RGS17: variants seen among roughly 807,000 people sequenced by gnomAD.
RGS17 encodes regulator of G protein signaling 17.
Under a neutral mutation model 25.5 loss-of-function variants are expected in RGS17, and 12 were observed. That is an observed-to-expected ratio of 0.47 (90% CI 0.30 to 0.76). The LOEUF (loss-of-function observed/expected upper bound fraction) is 0.76, where lower values mean the gene tolerates loss of function less well. Ranked by LOEUF, RGS17 falls within the 30% of genes least tolerant of loss-of-function variation. RGS17 has a pLI of 0.07. For missense variants in RGS17, 196 were observed against 242.2 expected, an observed-to-expected ratio of 0.81 and a Z score of 1.27; for synonymous variants, 71 against 76.9, an observed-to-expected ratio of 0.92 and a Z score of 0.40.
intron 2 of RGS17, among the ~76,000 whole-genome samples, chr6:153,034,623 A>T (rs1310180360): frequency 6.6e-6 from 1 of 152,242 alleles, no homozygotes; most frequent in Admixed American, 6.5e-5. Context: ...AAGGTTTCAT[A>T]GTTACATGTG....
chr6:153,068,777 C>A (rs1776744002), intron 1 of RGS17, among the ~76,000 whole-genome samples: 1 of 151,884 alleles, frequency 6.6e-6, no homozygotes, highest in African/African-American at 2.4e-5. Flanking sequence ...ATAATCTGAT[C>A]AAAAAATGGG....
chr6:153,087,747 C>G (rs1047385389), intron 1 of RGS17, among the ~76,000 whole-genome samples: 1 of 152,190 alleles, frequency 6.6e-6, no homozygotes, highest in South Asian at 2.1e-4. Flanking sequence ...AGAGAGGATA[C>G]TTAATGAGCT....
chr6:153,077,378 T>C (rs1028180587), intron 1 of RGS17, among the ~76,000 whole-genome samples: 2 of 152,230 alleles, frequency 1.3e-5, no homozygotes, highest in South Asian at 2.1e-4. Flanking sequence ...GTTGGGACAA[T>C]TGGGGAAACT....
chr6:153,057,772 T>C (rs895359272), intron 1 of RGS17, among the ~76,000 whole-genome samples: 8 of 152,276 alleles, frequency 5.3e-5, no homozygotes, highest in African/African-American at 1.4e-4. Context: ...TCTGGGGGTG[T>C]TGGGACACGA....
At chr6:153,041,472 C>T (rs1776320231) in intron 2 of RGS17, among the ~76,000 whole-genome samples, 1 of 152,170 alleles carries the variant, frequency 6.6e-6, no homozygotes, top group South Asian at 2.1e-4. Context: ...TAATCTCTTG[C>T]TCATGTGCTA....
chr6:153,077,950 C>T (rs191510514), intron 1 of RGS17, among the ~76,000 whole-genome samples: 49 of 151,934 alleles, frequency 3.2e-4, no homozygotes, highest in Middle Eastern at 6.8e-3. Context: ...CTCAGCTCAA[C>T]GCAACCTCTG....
chr6:153,097,337 C>T lies in RGS17; in HGVS notation c.-26+33787G>A, dbSNP rs117789033. 3.5e-4 allele frequency among the ~76,000 whole-genome samples: 42 copies of T among 120,550 alleles called. 1 individual carries two copies. In the East Asian group the frequency reaches 0.01, roughly 29 times the overall value. 79.1% of individuals were successfully genotyped at this position (120,550 alleles called of 152,430 possible). On this transcript the variant is annotated intron_variant, in intron 1 of 4. Transcript: ENST00000206262. ...TTTTTTTGGGAGACAGAATCTGAGT[C>T]GCCCAGGCTGGAGTGCAGTGGCACC...
chr6:153,098,534 T>C (rs909446847), intron 1 of RGS17, among the ~76,000 whole-genome samples: 2 of 152,182 alleles, frequency 1.3e-5, no homozygotes, highest in African/African-American at 4.8e-5. Context: ...TTTCATGCAG[T>C]GATTTCTGTG....
chr6:153,108,419 T>C (rs917765283), intron 1 of RGS17, among the ~76,000 whole-genome samples: 6 of 152,076 alleles, frequency 3.9e-5, no homozygotes, highest in African/African-American at 1.4e-4. Flanking sequence ...ATGGCAGAAA[T>C]GGCACAGGGA....
rs981427485 is a variant in RGS17 at position 153,010,742 on chromosome 6, T to C, written c.*832A>G. On this transcript the variant is annotated 3_prime_UTR_variant, in exon 5 of 5. Coordinates refer to ENST00000206262, the MANE Select transcript of RGS17 (RefSeq NM_012419.5). ...ATTTTAAAACTGGAGAGCCAGTCTT[T>C]AATAAATTAATTACAGTATTGGACA... The C allele has an allele frequency of 1.3e-5, 2 of 152,046 alleles. No homozygotes were observed. Among genetic ancestry groups the C allele is most frequent in the African/African-American group, 4.8e-5 (2 of 41,444 alleles). 9.4% of individuals were successfully genotyped at this position (152,046 alleles called of 1,614,324 possible).
chr6:153,118,659 A>G (rs1395468892), intron 1 of RGS17, among the ~76,000 whole-genome samples: 6 of 151,904 alleles, frequency 3.9e-5, no homozygotes, highest in Admixed American at 3.9e-4. Context: ...TTTTGTTTTT[A>G]CTGCCTTGTG....
At chr6:153,117,399 T>C (rs1335128915) in intron 1 of RGS17, among the ~76,000 whole-genome samples, 3 of 152,154 alleles carry the variant, frequency 2.0e-5, no homozygotes, top group African/African-American at 7.2e-5. Context: ...TTATGGGAAT[T>C]ACAAATCAAG....
In RGS17 at chr6:153,020,132, ATATATATTTTTTTTTTTTTTT is replaced by A. The variant is rs1779230738; in HGVS notation, c.444+4109_444+4129del. Among the ~76,000 whole-genome samples the A allele has an allele frequency of 9.0e-5, 7 of 77,878 alleles. No individual in the cohort carries two copies. In the South Asian group the frequency reaches 1.4e-3, roughly 16 times the overall value. 51.1% of individuals were successfully genotyped at this position (77,878 alleles called of 152,430 possible). ...AAAAAATATATATATATATATATAT[ATATATATTTTTTTTTTTTTTT>A]TTTTTTTTTTTTTTTTTTGAGACAG... On this transcript the variant is annotated intron_variant, in intron 4 of 4. Transcript: ENST00000206262.
intron 1 of RGS17, among the ~76,000 whole-genome samples, chr6:153,105,925 A>C (rs1383725495): frequency 6.6e-6 from 1 of 152,128 alleles, no homozygotes; most frequent in East Asian, 1.9e-4. Context: ...TCATGTGAAC[A>C]CTTTGGCACC....
chr6:153,025,684 A>G (rs1409648924), intron 3 of RGS17, among the ~76,000 whole-genome samples: 1 of 132,114 alleles, frequency 7.6e-6, no homozygotes, highest in Non-Finnish European at 1.6e-5. Flanking sequence ...ACATATATAT[A>G]AACATATATA....
At chr6:153,063,957 GA>G (rs78879892) in intron 1 of RGS17, among the ~76,000 whole-genome samples, 1 of 150,762 alleles carries the variant, frequency 6.6e-6, no homozygotes, top group African/African-American at 2.4e-5. Context: ...AGTGCTGAAG[GA>G]AAAAAAAACT....
intron 2 of RGS17, among the ~76,000 whole-genome samples, chr6:153,028,059 T>C (rs1779322027): frequency 6.6e-6 from 1 of 152,102 alleles, no homozygotes; most frequent in Non-Finnish European, 1.5e-5. Context: ...AAAGTGAGGC[T>C]AGATAGGAAA....
intron 1 of RGS17, among the ~76,000 whole-genome samples, chr6:153,072,501 G>A (rs897707695): frequency 6.6e-6 from 1 of 152,214 alleles, no homozygotes; most frequent in Non-Finnish European, 1.5e-5. Context: ...TAAGGAAACT[G>A]AAATCAGAGA....
intron 1 of RGS17, among the ~76,000 whole-genome samples, chr6:153,093,252 G>T (rs1368767181): frequency 1.3e-5 from 2 of 152,080 alleles, no homozygotes; most frequent in African/African-American, 4.8e-5. Flanking sequence ...AAAAACAATG[G>T]CTCTTTTTAT....
Sources: gnomAD v4.1 joint callset for allele counts (sites outside exome capture counted in the v4.1 genomes callset) on GRCh38, gnomAD v4.1.1 for gene constraint, MANE v1.5 for transcripts, NCBI Gene and HGNC (gene_info 2026-07-23, HGNC 2026-07-21) for gene names.